SYNE1: variants seen among roughly 807,000 people sequenced by gnomAD.
The protein encoded by SYNE1 is nesprin-1.
In SYNE1, 616 loss-of-function variants were observed where a neutral mutation model predicts 1,111.0. The observed-to-expected ratio is 0.55, with a 90% CI of 0.52 to 0.59. The LOEUF is 0.59. Ranked by LOEUF, SYNE1 falls within the 20% of genes least tolerant of loss-of-function variation. The probability of loss-of-function intolerance (pLI) is 0.00; values close to 1 mark genes in which losing one functional copy is unlikely to be tolerated. For synonymous variants in SYNE1, 3,855 were observed against 3,825.8 expected (o/e 1.01, Z -0.28); for missense variants, 10,006 against 10,417.0 (o/e 0.96, Z 1.72).
chr6:152,432,114 A>G (rs2098435450), intron 34 of SYNE1, among the ~76,000 whole-genome samples: 1 of 152,148 alleles, frequency 6.6e-6, no homozygotes, highest in Admixed American at 6.5e-5. Flanking sequence ...CCAGGAGAAG[A>G]AGATGGAAGA....
intron 127 of SYNE1, among the ~76,000 whole-genome samples, chr6:152,194,044 A>C (rs1482942052): frequency 1.3e-5 from 2 of 151,360 alleles, no homozygotes; most frequent in Non-Finnish European, 2.9e-5. Context: ...CTTATACAAC[A>C]CAATTGCAAT....
chr6:152,175,121 A>G (rs903436035), intron 130 of SYNE1, among the ~76,000 whole-genome samples: 4 of 152,190 alleles, frequency 2.6e-5, no homozygotes, highest in Non-Finnish European at 5.9e-5. Flanking sequence ...TGAACCTGGG[A>G]GGCAGAGGTT....
chr6:152,476,837 C>G (rs1161472668), intron 14 of SYNE1, among the ~76,000 whole-genome samples: 1 of 150,214 alleles, frequency 6.7e-6, no homozygotes, highest in East Asian at 2.0e-4. Flanking sequence ...CCACTACACT[C>G]CCGCCTCGGC....
In SYNE1 at chr6:152,136,838, CA is replaced by C. The variant is rs3215591; in HGVS notation, c.25459-21del. 338 of 1,611,270 alleles carry C rather than the reference CA, an allele frequency of 2.1e-4. No individual in the cohort carries two copies. The East Asian group carries it at 7.2e-3, about 34-fold the overall frequency. ...GAGCTCCTGAAAAGAACAAAAAAGACAATCAAACAAGGACAATAATGACAAA... is the reference window on the plus strand; with the variant it reads ...GAGCTCCTGAAAAGAACAAAAAAGACATCAAACAAGGACAATAATGACAAA... On this transcript the variant is annotated intron_variant, in intron 140 of 145. Coordinates refer to ENST00000367255, the MANE Select transcript of SYNE1 (RefSeq NM_182961.4).
chr6:152,584,512 G>C (rs116083207), intron 3 of SYNE1, among the ~76,000 whole-genome samples: 3,243 of 152,184 alleles, frequency 0.021, 125 homozygotes, highest in African/African-American at 0.074. Flanking sequence ...GGCGCTGTCA[G>C]ACCTCACTGG....
At position 152,330,282 on chromosome 6, in the gene SYNE1, C is replaced by T. The variant is rs752278560; in HGVS notation, c.14403G>A (p.Gln4801=). ...GCAGCGTTTCCTCATTCACTTTGGACTGCTCCTCTTTTACAGACTTCAGTT... is the reference window on the plus strand; with the variant it reads ...GCAGCGTTTCCTCATTCACTTTGGATTGCTCCTCTTTTACAGACTTCAGTT... ...ERQLKSVKEE[Q]SKVNEETLPA... is the part of the protein sequence containing the mutation. The change falls in exon 78 of 146, where the codon CAG becomes CAA. Residue 4801 remains glutamine (Q), a synonymous_variant. Transcript: ENST00000367255. 8.1e-6 allele frequency: 13 copies of T among 1,614,178 alleles called. No individual in the cohort carries two copies. The highest frequency in any genetic ancestry group is 1.0e-5 in the Non-Finnish European group (12 of 1,180,028).
Position 152,136,832 on chromosome 6 carries a change from A to G in SYNE1, c.25459-14T>C. ...TTTCTGGAGCTCCTGAAAAGAACAA[A>G]AAAGACAATCAAACAAGGACAATAA... On this transcript the variant is annotated splice_polypyrimidine_tract_variant and intron_variant, in intron 140 of 145. Coordinates refer to ENST00000367255, the MANE Select transcript of SYNE1 (RefSeq NM_182961.4). The G allele has an allele frequency of 1.2e-6, 2 of 1,613,508 alleles. No individual in the cohort carries two copies. The highest frequency in any genetic ancestry group is 1.7e-6 in the Non-Finnish European group (2 of 1,179,388).
chr6:152,261,984 C>G (rs777965917), intron 101 of SYNE1, 48 bp downstream of exon 101: 5 of 1,493,020 alleles, frequency 3.3e-6, no homozygotes, highest in Non-Finnish European at 4.6e-6. Flanking sequence ...TCAGCATAAA[C>G]TCTACATCTT....
At chr6:152,489,929 G>A (rs901795428) in intron 11 of SYNE1, among the ~76,000 whole-genome samples, 2 of 152,180 alleles carry the variant, frequency 1.3e-5, no homozygotes, top group East Asian at 3.9e-4. Context: ...AGGTGAATCT[G>A]ATGCTGCTGG....
chr6:152,510,452 C>A (rs1193431130), intron 7 of SYNE1, 81 bp from the exon 8 acceptor site: 1 of 1,491,692 alleles, frequency 6.7e-7, no homozygotes, highest in East Asian at 2.4e-5. Flanking sequence ...TTTCCAGCAA[C>A]AAATGAGTTA....
At chr6:152,515,699 A>G (rs2099107983) in intron 6 of SYNE1, among the ~76,000 whole-genome samples, 1 of 152,158 alleles carries the variant, frequency 6.6e-6, no homozygotes, top group Non-Finnish European at 1.5e-5. Flanking sequence ...ATCTGAATTT[A>G]TGTCCCCTGT....
At position 152,155,060 on chromosome 6, in the gene SYNE1, A is replaced by G. The variant is rs749787774; in HGVS notation, c.23979-18T>C. ...CTTCGATTCTGGGGCGGAAAATGAA[A>G]GAACAGATTCAGATTATTGGAGACT... On this transcript the variant is annotated intron_variant, in intron 132 of 145. Transcript: ENST00000367255. The G allele has an allele frequency of 5.0e-6, 8 of 1,613,912 alleles. No individual in the cohort carries two copies. In the African/African-American group the frequency reaches 1.1e-4, roughly 22 times the overall value.
At chr6:152,425,349 C>A in intron 39 of SYNE1, 32 bp downstream of exon 39, 1 of 1,604,930 alleles carries the variant, frequency 6.2e-7, no homozygotes, top group Non-Finnish European at 8.5e-7. Flanking sequence ...AACAAATGAA[C>A]AATATTAGAA....
chr6:152,197,111 C>T (rs372250836), intron 127 of SYNE1, among the ~76,000 whole-genome samples: 21 of 152,170 alleles, frequency 1.4e-4, no homozygotes, highest in Admixed American at 3.3e-4. Context: ...ATGCTCTCTC[C>T]GTGCCATGTG....
At chr6:152,531,437 C>G (rs2099200991) in intron 4 of SYNE1, among the ~76,000 whole-genome samples, 1 of 152,156 alleles carries the variant, frequency 6.6e-6, no homozygotes, top group African/African-American at 2.4e-5. Context: ...TGGCTTCAGG[C>G]ATCTACTGGG....
At chr6:152,389,965 T>C (rs970950646) in intron 53 of SYNE1, among the ~76,000 whole-genome samples, 13 of 152,242 alleles carry the variant, frequency 8.5e-5, no homozygotes, top group African/African-American at 3.1e-4. Context: ...ATTCAAGTTA[T>C]TAAAGAACCA....
At chr6:152,472,114 C>T in intron 15 of SYNE1, 187 bp downstream of exon 15, 1 of 621,832 alleles carries the variant, frequency 1.6e-6, no homozygotes, top group Non-Finnish European at 2.8e-6. Context: ...AATTCAGAGT[C>T]ACTCTTTTCA....
chr6:152,411,731 C>CAA (rs60807760), intron 42 of SYNE1, among the ~76,000 whole-genome samples: 95 of 149,548 alleles, frequency 6.4e-4, no homozygotes, highest in African/African-American at 2.0e-3. Flanking sequence ...ACACACACCC[C>CAA]CACACACACA....
intron 38 of SYNE1, among the ~76,000 whole-genome samples, chr6:152,426,727 G>T (rs1738438): frequency 1.3e-5 from 2 of 152,054 alleles, no homozygotes; most frequent in Non-Finnish European, 2.9e-5. Flanking sequence ...GAAACAGTCA[G>T]TACAGGTTTC....
Sources: gnomAD v4.1 joint callset for allele counts (sites outside exome capture counted in the v4.1 genomes callset) on GRCh38, gnomAD v4.1.1 for gene constraint, MANE v1.5 for transcripts, NCBI Gene and HGNC (gene_info 2026-07-23, HGNC 2026-07-21) for gene names.